Variants in PGBD2 observed in about 807,000 individuals in gnomAD.
PGBD2 encodes the protein piggyBac transposable element derived 2, also known as piggyBac transposable element-derived protein 2.
In PGBD2, 6 loss-of-function variants were observed where a neutral mutation model predicts 8.1. The observed-to-expected ratio is 0.74, with a 90% CI of 0.40 to 1.46. The LOEUF is 1.46. Ranked by LOEUF, PGBD2 falls within the 40% of genes most tolerant of loss-of-function variation. The pLI is 0.02. For synonymous variants in PGBD2, 318 were observed against 272.2 expected, an observed-to-expected ratio of 1.17 and a Z score of -1.66; for missense variants, 802 against 739.0, an observed-to-expected ratio of 1.09 and a Z score of -0.99.
At chr1:248,896,585 T>A in the PGBD2 span, among the ~76,000 whole-genome samples, 2 of 152,122 alleles carry the variant, frequency 1.3e-5, no homozygotes, top group African/African-American at 4.8e-5. Flanking sequence ...GCAGCACACC[T>A]ATAGCTCCAG....
At chr1:248,894,276 G>GT in the PGBD2 span, among the ~76,000 whole-genome samples, 13 of 151,494 alleles carry the variant, frequency 8.6e-5, no homozygotes, top group East Asian at 1.9e-4. Context: ...TCTATTTTTG[G>GT]GTTTTTTTTG....
chr1:248,905,578 G>C (rs1661608217), upstream of PGBD2, among the ~76,000 whole-genome samples: 1 of 152,166 alleles, frequency 6.6e-6, no homozygotes, highest in Admixed American at 6.5e-5. Flanking sequence ...AAAAATATAG[G>C]TAGGCAAGGT....
chr1:248,875,314 A>AAAAAAAAAAAAAAAAAAAAG, the PGBD2 span, among the ~76,000 whole-genome samples: 1 of 149,828 alleles, frequency 6.7e-6, no homozygotes, highest in Non-Finnish European at 1.5e-5. Flanking sequence ...AAAACAAAAA[A>AAAAAAAAAAAAAAAAAAAAG]AAAAAAAAAA....
the PGBD2 span, among the ~76,000 whole-genome samples, chr1:248,884,556 A>G: frequency 1.3e-5 from 2 of 152,198 alleles, no homozygotes; most frequent in African/African-American, 4.8e-5. Context: ...CCTATCAGCC[A>G]GGATGGTCTT....
the PGBD2 span, among the ~76,000 whole-genome samples, chr1:248,898,965 A>G: frequency 6.6e-6 from 1 of 152,220 alleles, no homozygotes; most frequent in South Asian, 2.1e-4. Flanking sequence ...GTAGTTTCTG[A>G]CAAAACAGAC....
chr1:248,913,868 T>G lies in PGBD2; in HGVS notation c.6T>G (p.Ala2=), dbSNP rs2103111766. 6.2e-7 allele frequency: 1 copy of G among 1,610,234 alleles called. No homozygotes were observed. Among genetic ancestry groups the G allele is most frequent in the East Asian group, 2.2e-5 (1 of 44,876 alleles). The change falls in exon 2 of 3, where the codon GCT becomes GCG. Residue 2 remains alanine, a synonymous_variant. Coordinates refer to ENST00000329291, the MANE Select transcript of PGBD2 (RefSeq NM_170725.3). M[A]STSRDVIAGR... is the part of the protein sequence containing the mutation. ...CTTCATCTTCCCAGTTCATCATGGC[T>G]TCAACATCCAGGTAGGAGTGCTGTT...
the PGBD2 span, among the ~76,000 whole-genome samples, chr1:248,885,033 T>C: frequency 1.3e-5 from 2 of 152,176 alleles, no homozygotes; most frequent in South Asian, 2.1e-4. Flanking sequence ...TCCCATCTCA[T>C]AGTGGCCAGA....
chr1:248,882,020 A>T, the PGBD2 span, among the ~76,000 whole-genome samples: 1 of 152,182 alleles, frequency 6.6e-6, no homozygotes, highest in East Asian at 1.9e-4. Context: ...CTTCAAGTTT[A>T]TTTACCTCTG....
intron 2 of PGBD2, among the ~76,000 whole-genome samples, chr1:248,915,745 C>G (rs143417341): frequency 4.5e-4 from 68 of 152,280 alleles, no homozygotes; most frequent in African/African-American, 1.5e-3. Flanking sequence ...AGTAGGATAA[C>G]CGCAAGGGAG....
chr1:248,928,483 T>A, the PGBD2 span, among the ~76,000 whole-genome samples: 1 of 152,224 alleles, frequency 6.6e-6, no homozygotes, highest in Non-Finnish European at 1.5e-5. Context: ...TGCTTCTGTT[T>A]CTAGCATGTA....
chr1:248,883,584 CTTTTTTTT>C, the PGBD2 span, among the ~76,000 whole-genome samples: 5 of 89,164 alleles, frequency 5.6e-5, no homozygotes, highest in Admixed American at 1.3e-4. Context: ...TTTTTTTTTT[CTTTTTTTT>C]TTTTTTTTTT....
At chr1:248,892,991 G>T in the PGBD2 span, among the ~76,000 whole-genome samples, 1 of 152,174 alleles carries the variant, frequency 6.6e-6, no homozygotes, top group African/African-American at 2.4e-5. Flanking sequence ...CAACTGCACA[G>T]GGAAAAGACA....
At chr1:248,888,443 C>A in the PGBD2 span, among the ~76,000 whole-genome samples, 1 of 152,174 alleles carries the variant, frequency 6.6e-6, no homozygotes, top group Non-Finnish European at 1.5e-5. Context: ...CTCATTCTGA[C>A]TGGTGTGAGA....
chr1:248,885,948 C>A, the PGBD2 span, among the ~76,000 whole-genome samples: 1 of 152,206 alleles, frequency 6.6e-6, no homozygotes, highest in East Asian at 1.9e-4. Context: ...TAATGTCTTC[C>A]TTCTACAAAG....
chr1:248,897,806 CA>C, the PGBD2 span, among the ~76,000 whole-genome samples: 3 of 136,354 alleles, frequency 2.2e-5, no homozygotes, highest in Admixed American at 1.3e-4. Context: ...GGGCCAGTGG[CA>C]GCGACTGGAG....
the PGBD2 span, among the ~76,000 whole-genome samples, chr1:248,891,849 T>C: frequency 7.2e-5 from 11 of 152,194 alleles, no homozygotes; most frequent in African/African-American, 2.4e-4. Context: ...AAAGTGTTTT[T>C]GAAGAAAAGT....
the PGBD2 span, among the ~76,000 whole-genome samples, chr1:248,927,486 A>G: frequency 6.6e-6 from 1 of 152,352 alleles, no homozygotes; most frequent in South Asian, 2.1e-4. Context: ...TTTTCTGCAA[A>G]GGGCTAAATG....
the PGBD2 span, among the ~76,000 whole-genome samples, chr1:248,895,408 G>C: frequency 6.6e-6 from 1 of 152,116 alleles, no homozygotes; most frequent in African/African-American, 2.4e-5. Context: ...GAGTAGCAAG[G>C]GTTCTGCTGC....
chr1:248,874,931 T>TAGATAGATAGATAGATAGATAGACAGAC, the PGBD2 span, among the ~76,000 whole-genome samples: 47 of 148,794 alleles, frequency 3.2e-4, no homozygotes, highest in African/African-American at 1.1e-3. Context: ...GATAGATAGA[T>TAGATAGATAGATAGATAGATAGACAGAC]AGATAGATAG....
Sources: allele counts gnomAD v4.1 joint callset (sites outside exome capture counted in the v4.1 genomes callset), GRCh38; gene constraint gnomAD v4.1.1; transcripts MANE v1.5; gene names NCBI Gene and HGNC (gene_info 2026-07-23, HGNC 2026-07-21).